The following DYNC2H1 variants were observed in gnomAD, a reference collection of about 807,000 sequenced individuals.
DYNC2H1 encodes the protein dynein cytoplasmic 2 heavy chain 1.
In DYNC2H1, 410 loss-of-function variants were observed where a neutral mutation model predicts 570.0. The observed-to-expected ratio is 0.72, with a 90% CI of 0.66 to 0.78. The LOEUF is 0.78. Ranked by LOEUF, DYNC2H1 falls within the 30% of genes least tolerant of loss-of-function variation. DYNC2H1 has a pLI of 0.00. For missense variants in DYNC2H1, 4,865 were observed against 5,046.4 expected, an observed-to-expected ratio of 0.96 and a Z score of 1.09; for synonymous variants, 1,688 against 1,677.6, an observed-to-expected ratio of 1.01 and a Z score of -0.15.
chr11:103,389,731 T>C (rs111741576), intron 83 of DYNC2H1, among the ~76,000 whole-genome samples: 1 of 151,946 alleles, frequency 6.6e-6, no homozygotes, highest in Non-Finnish European at 1.5e-5. Context: ...AACATCTTTA[T>C]TTCTGCCTTC....
In DYNC2H1 at chr11:103,358,298, A is replaced by G; in HGVS notation, c.12095A>G (p.Asp4032Gly). Residue 4032 changes from aspartate (D) to glycine (G), a missense_variant, in exon 83 of 89, where the codon GAT becomes GGT. Physicochemically the swap from Asp to Gly is moderately conservative, Grantham distance 94. Around this residue, in one of 5 missense-constraint regions of DYNC2H1, gnomAD observed 2,401 missense variants for 2,454.6 expected, o/e 0.98. Coordinates refer to ENST00000375735, the MANE Select transcript of DYNC2H1 (RefSeq NM_001377.3). The stretch of plus-strand genomic sequence containing the variant: ...TCCATAACAGCTGGTTCCAAATTTG[A>G]TAGAGAAATCTGGTCTAATGAACTT... The part of the protein sequence containing the change: ...GRSITAGSKF[D>G]REIWSNELSP... 1 of 1,594,644 alleles carries G rather than the reference A, an allele frequency of 6.3e-7. No individual in the cohort carries two copies. The highest frequency in any genetic ancestry group is 8.6e-7 in the Non-Finnish European group (1 of 1,169,544).
In DYNC2H1 at chr11:103,399,829, G is replaced by A. The variant is rs779168306; in HGVS notation, c.12323G>A (p.Ser4108Asn). 7.4e-6 allele frequency: 12 copies of A among 1,613,844 alleles called. No homozygotes were observed. The highest frequency in any genetic ancestry group is 1.0e-5 in the Non-Finnish European group (12 of 1,179,820). The stretch of plus-strand genomic sequence containing the variant: ...GTCATCAGAGGAACTACTTTACTGA[G>A]TTCAGAAGTACAAAAATTGGCAAGT... ...SKVIRGTTLLSSEVQKLASAL... is the reference protein window; with the variant it reads ...SKVIRGTTLLNSEVQKLASAL... The change falls in exon 84 of 89, where the codon AGT (serine) becomes AAT (asparagine). Residue 4108 changes from serine (S) to asparagine (N), a missense_variant. This residue lies in a region of DYNC2H1 where 2,401 missense variants were observed against 2,454.6 expected (regional missense o/e 0.98). Coordinates refer to ENST00000375735, the MANE Select transcript of DYNC2H1 (RefSeq NM_001377.3).
rs1940773818 is a variant in DYNC2H1 at position 103,363,917 on chromosome 11, G to A, written c.12156+5558G>A. Among the ~76,000 whole-genome samples, 1 of 152,112 alleles carries A rather than the reference G, an allele frequency of 6.6e-6. No homozygotes were observed. Among genetic ancestry groups the A allele is most frequent in the Non-Finnish European group, 1.5e-5 (1 of 68,010 alleles). On this transcript the variant is annotated intron_variant, in intron 83 of 88. Transcript: ENST00000375735. This position sits in a 1 kb window ranked among gnomAD's most constrained non-coding sequence, Gnocchi z 5.6. ...CAAGGACTCACAAAAACTCATGACA[G>A]ATAGCATTATGACTTCCCAATGTAA... is the stretch of plus-strand genomic sequence containing the variant.
rs1862071922 is a variant in DYNC2H1, at chr11:103,186,391, A to G, written c.6783A>G (p.Pro2261=). 6.2e-7 allele frequency: 1 copy of G among 1,612,850 alleles called. No individual in the cohort carries two copies. The highest frequency in any genetic ancestry group is 1.7e-5 in the Admixed American group (1 of 59,878). ...ADDFSNGLTL[P]VIQTPDMQRG... Reference sequence around the variant, plus strand: ...ATTTCAGTAACGGCTTAACTCTTCCAGTCATTCAGACTCCTGACATGCAAC... The same window carrying G: ...ATTTCAGTAACGGCTTAACTCTTCCGGTCATTCAGACTCCTGACATGCAAC... Residue 2261 remains proline (P), a synonymous_variant, in exon 42 of 89, where the codon CCA becomes CCG. Transcript: ENST00000375735. This position sits in a 1 kb window ranked among gnomAD's most constrained non-coding sequence, Gnocchi z 4.5.
chr11:103,199,792 T>A lies in DYNC2H1; in HGVS notation c.8089-254T>A, dbSNP rs936135504. On this transcript the variant is annotated intron_variant, in intron 49 of 88. Coordinates refer to ENST00000375735, the MANE Select transcript of DYNC2H1 (RefSeq NM_001377.3). This position sits in a 1 kb window ranked among gnomAD's most constrained non-coding sequence, Gnocchi z 4.6. Reference sequence around the variant, plus strand: ...AAGGATGGAATTTACATAGGAAATATATGAGTAGAGATAAAAATGATCTAC... The same window carrying A: ...AAGGATGGAATTTACATAGGAAATAAATGAGTAGAGATAAAAATGATCTAC... Among the ~76,000 whole-genome samples the A allele has an allele frequency of 2.0e-5, 3 of 152,098 alleles. No homozygotes were observed. The highest frequency in any genetic ancestry group is 4.8e-5 in the African/African-American group (2 of 41,428).
intron 22 of DYNC2H1, 93 bp from the exon 23 acceptor site, chr11:103,154,358 C>T (rs1860708906): frequency 2.8e-6 from 3 of 1,083,648 alleles, no homozygotes; most frequent in Admixed American, 3.3e-5. Flanking sequence ...TGTGTACACA[C>T]ATACAAGGAT....
At chr11:103,290,993 C>T (rs1866572246) in intron 75 of DYNC2H1, among the ~76,000 whole-genome samples, 1 of 152,148 alleles carries the variant, frequency 6.6e-6, no homozygotes, top group African/African-American at 2.4e-5. Flanking sequence ...AATTACATTT[C>T]TCCAAAAGCA....
chr11:103,356,514 CTTAT>C (rs3076465), intron 82 of DYNC2H1, among the ~76,000 whole-genome samples: 72,443 of 151,476 alleles, frequency 0.48, 19,148 homozygotes, highest in Admixed American at 0.59. Flanking sequence ...TCTTTGCAGT[CTTAT>C]TTGTTTTCTG....
At chr11:103,414,772 C>T (rs1943217242) in intron 84 of DYNC2H1, among the ~76,000 whole-genome samples, 1 of 152,152 alleles carries the variant, frequency 6.6e-6, no homozygotes, top group Non-Finnish European at 1.5e-5. Flanking sequence ...TGAGTGAACT[C>T]CCATTCACAA....
At chr11:103,292,297 A>G (rs1007379517) in intron 75 of DYNC2H1, among the ~76,000 whole-genome samples, 4 of 151,952 alleles carry the variant, frequency 2.6e-5, no homozygotes, top group African/African-American at 9.7e-5. Context: ...CTTGAAGAAA[A>G]CATAACCAGT....
chr11:103,219,590 C>T lies in DYNC2H1; in HGVS notation c.8833-325C>T, dbSNP rs190650369. 0.012 allele frequency among the ~76,000 whole-genome samples: 1,805 copies of T among 151,954 alleles called. 21 individuals are homozygous for T. The highest frequency in any genetic ancestry group is 0.026 in the South Asian group (126 of 4,804). ...CTGTGCTCTTACACTCCAGCCTGGG[C>T]GACAAGAGCAAGACTCCATCTCAAA... On this transcript the variant is annotated intron_variant, in intron 55 of 88. Coordinates refer to ENST00000375735, the MANE Select transcript of DYNC2H1 (RefSeq NM_001377.3).
At chr11:103,113,967 G>A in intron 2 of DYNC2H1, 136 bp from the exon 3 acceptor site, 1 of 1,052,874 alleles carries the variant, frequency 9.5e-7, no homozygotes, top group East Asian at 2.7e-5. Flanking sequence ...CTGTTGAGAG[G>A]ACTTTTTATT....
At chr11:103,158,230 G>A (rs904795856) in intron 26 of DYNC2H1, among the ~76,000 whole-genome samples, 7 of 152,134 alleles carry the variant, frequency 4.6e-5, no homozygotes, top group African/African-American at 1.2e-4. Flanking sequence ...GGCGGATCAC[G>A]AGGTCAGGAG....
At chr11:103,453,793 T>A (rs941954372) in intron 85 of DYNC2H1, among the ~76,000 whole-genome samples, 1 of 151,580 alleles carries the variant, frequency 6.6e-6, no homozygotes, top group African/African-American at 2.4e-5. Context: ...ATATTAACTA[T>A]AATAAAGATA....
In DYNC2H1 at chr11:103,123,016, T is replaced by G; in HGVS notation, c.1661+16T>G. On this transcript the variant is annotated intron_variant, in intron 11 of 88. Coordinates refer to ENST00000375735, the MANE Select transcript of DYNC2H1 (RefSeq NM_001377.3). ...CTGGTTTGTGGTAAGTATAGATATA[T>G]TAAACTGTAAAATCCAAAACCATAT... The G allele has an allele frequency of 1.5e-6, 2 of 1,349,598 alleles. No individual in the cohort carries two copies. Among genetic ancestry groups the G allele is most frequent in the Non-Finnish European group, 1.9e-6 (2 of 1,037,900 alleles). 83.6% of individuals were successfully genotyped at this position (1,349,598 alleles called of 1,614,324 possible).
chr11:103,308,607 A>ATCGTTTTACC (rs1867414637), intron 78 of DYNC2H1, among the ~76,000 whole-genome samples: 1 of 151,970 alleles, frequency 6.6e-6, no homozygotes. Context: ...ATCGTTTTAC[A>ATCGTTTTACC]TTCCCACTAG....
Position 103,174,545 on chromosome 11 carries a change from A to AC in DYNC2H1, c.5674+380dup, listed in dbSNP as rs936481615. Among the ~76,000 whole-genome samples the AC allele has an allele frequency of 1.1e-4, 17 of 152,000 alleles. No individual in the cohort carries two copies. The East Asian group carries it at 1.2e-3, about 10-fold the overall frequency. On this transcript the variant is annotated intron_variant, in intron 36 of 88. Transcript: ENST00000375735. ...TTGTTAAAACAGATTATTAGACCCC[A>AC]CCCCCAAAGGTCCTGATTCAGTAGG...
intron 75 of DYNC2H1, among the ~76,000 whole-genome samples, chr11:103,292,382 A>C (rs1309017153): frequency 6.6e-6 from 1 of 152,138 alleles, no homozygotes; most frequent in Admixed American, 6.5e-5. Flanking sequence ...AAAAAGAAAA[A>C]ATTTACACTT....
At chr11:103,182,347 TA>T in intron 40 of DYNC2H1, among the ~76,000 whole-genome samples, 1 of 151,328 alleles carries the variant, frequency 6.6e-6, no homozygotes, top group East Asian at 1.9e-4. Flanking sequence ...TATATAAGGT[TA>T]AAAACAATAT....
Sources: gnomAD v4.1 joint callset for allele counts (sites outside exome capture counted in the v4.1 genomes callset) on GRCh38, gnomAD v4.1.1 for gene constraint, gnomAD v4.1.1 regional missense constraint, Gnocchi (gnomAD v3.1) non-coding constraint, MANE v1.5 for transcripts, NCBI Gene and HGNC (gene_info 2026-07-23, HGNC 2026-07-21) for gene names.